Variants in ATAD3A observed in about 807,000 individuals in gnomAD.
ATAD3A encodes ATPase family AAA domain-containing protein 3A.
A neutral mutation model predicts 73.8 loss-of-function variants in ATAD3A; 46 were observed. The ratio of observed to expected loss-of-function variants is 0.62; its 90% CI spans 0.49 to 0.80. The LOEUF (loss-of-function observed/expected upper bound fraction) is 0.80, where lower values mean the gene tolerates loss of function less well. ATAD3A is among the 30% of genes least tolerant of loss of function. The pLI, the probability that ATAD3A is intolerant of heterozygous loss-of-function variation, is 0.00. For synonymous variants in ATAD3A, 319 were observed against 350.0 expected (o/e 0.91, Z 0.99); for missense variants, 705 against 838.0 (o/e 0.84, Z 1.96).
intron 13 of ATAD3A, chr1:1,527,369 C>G: frequency 9.3e-7 from 1 of 1,071,508 alleles, no homozygotes; most frequent in Non-Finnish European, 1.2e-6. Context: ...GTGTGGGCGA[C>G]TTCTCGACAT....
rs45518337 is a variant in ATAD3A, at chr1:1,520,123, C to G, written c.515-18C>G. Reference sequence around the variant, plus strand: ...GCTGCACTGCATGGTGCTGAGCTGCCCTGCCTCTCTGGGGCAGCCACCGTG... The same window carrying G: ...GCTGCACTGCATGGTGCTGAGCTGCGCTGCCTCTCTGGGGCAGCCACCGTG... On this transcript the variant is annotated intron_variant, in intron 5 of 15. Coordinates refer to ENST00000378756, the MANE Select transcript of ATAD3A (RefSeq NM_001170535.3). This position sits in a 1 kb window ranked among gnomAD's most constrained non-coding sequence, Gnocchi z 4.0. 1 of 1,605,008 alleles carries G rather than the reference C, an allele frequency of 6.2e-7. No homozygotes were observed. Among genetic ancestry groups the G allele is most frequent in the South Asian group, 1.1e-5 (1 of 89,998 alleles).
Position 1,527,930 on chromosome 1 carries a change from C to T in ATAD3A, c.1505+68C>T. The T allele has an allele frequency of 2.0e-6, 3 of 1,478,598 alleles. No homozygotes were observed. The Admixed American group carries it at 6.5e-5, about 32-fold the overall frequency. 91.6% of individuals were successfully genotyped at this position (1,478,598 alleles called of 1,614,324 possible). A position where few individuals can be genotyped will look rare whatever the true frequency, so the allele number is the denominator to read the frequency against. ...TCAGGGTCCACCCCGACCCACAGTC[C>T]ACCATCACTTACAAACCTTTAACAT... On this transcript the variant is annotated intron_variant, in intron 14 of 15. Coordinates refer to ENST00000378756, the MANE Select transcript of ATAD3A (RefSeq NM_001170535.3).
chr1:1,524,406 T>C lies in ATAD3A; in HGVS notation c.1214+9T>C. ...AATACCAGCCGGCGCGGGTGAGACG[T>C]CCCCACAGCATGCACCAGGCCCTTG... On this transcript the variant is annotated intron_variant, in intron 11 of 15. Coordinates refer to ENST00000378756, the MANE Select transcript of ATAD3A (RefSeq NM_001170535.3). 3.8e-6 allele frequency: 6 copies of C among 1,595,028 alleles called. No homozygotes were observed. The South Asian group carries it at 6.6e-5, about 18-fold the overall frequency.
intron 7 of ATAD3A, among the ~76,000 whole-genome samples, chr1:1,522,453 T>C (rs1403367145): frequency 2.0e-5 from 3 of 152,254 alleles, no homozygotes; most frequent in Non-Finnish European, 2.9e-5. Context: ...CCCTGTGACA[T>C]CCGGCTGGGT....
Position 1,529,364 on chromosome 1 carries a change from G to C in ATAD3A, c.1614+33G>C, listed in dbSNP as rs760990454. 2.4e-5 allele frequency: 36 copies of C among 1,530,472 alleles called. No individual in the cohort carries two copies. The South Asian group carries it at 4.0e-4, about 17-fold the overall frequency. 94.8% of individuals were successfully genotyped at this position (1,530,472 alleles called of 1,614,324 possible). A position where few individuals can be genotyped will look rare whatever the true frequency, so the allele number is the denominator to read the frequency against. On this transcript the variant is annotated intron_variant, in intron 15 of 15. Coordinates refer to ENST00000378756, the MANE Select transcript of ATAD3A (RefSeq NM_001170535.3). ...AGGCTCCGGCACGTCCACCCAGACG[G>C]GACCCCAGCTGCTGTGGAGATGCTC...
chr1:1,520,433 C>A lies in ATAD3A; in HGVS notation c.681-115C>A. The A allele has an allele frequency of 6.3e-7, 1 of 1,597,496 alleles. No individual in the cohort carries two copies. Reference sequence around the variant, plus strand: ...GGCTGACTCCTTGGTGGGGGCACTGCCCCTCTGTCCTGGCAAGGCCGTGCC... The same window carrying A: ...GGCTGACTCCTTGGTGGGGGCACTGACCCTCTGTCCTGGCAAGGCCGTGCC... On this transcript the variant is annotated intron_variant, in intron 6 of 15. Transcript: ENST00000378756. This position sits in a 1 kb window ranked among gnomAD's most constrained non-coding sequence, Gnocchi z 4.0.
intron 2 of ATAD3A, 54 bp downstream of exon 2, chr1:1,516,142 T>C: frequency 6.2e-7 from 1 of 1,609,274 alleles, no homozygotes; most frequent in Non-Finnish European, 8.5e-7. Context: ...GGTTCGGGCA[T>C]GGAGATTGGT....
chr1:1,520,053 G>A lies in ATAD3A; in HGVS notation c.515-88G>A, dbSNP rs929316543. On this transcript the variant is annotated intron_variant, in intron 5 of 15. Coordinates refer to ENST00000378756, the MANE Select transcript of ATAD3A (RefSeq NM_001170535.3). This position sits in a 1 kb window ranked among gnomAD's most constrained non-coding sequence, Gnocchi z 4.0. ...CGTTGGTCTGTCCGTGGCGTGGGCC[G>A]GTCCGTGGCGTGGGCCGGTCCACAG... The A allele has an allele frequency of 5.1e-4, 784 of 1,522,618 alleles. 15 individuals carry two copies. In the Admixed American group the frequency reaches 0.014, roughly 28 times the overall value. The allele number at this position is 1,522,618 out of a possible 1,614,324, so 94.3% of individuals were successfully genotyped here.
Position 1,534,625 on chromosome 1 carries a change from G to A in ATAD3A, c.*553G>A, listed in dbSNP as rs961482352. 23 of 177,472 alleles carry A rather than the reference G, an allele frequency of 1.3e-4. 1 individual carries two copies. Among genetic ancestry groups the A allele is most frequent in the Middle Eastern group, 5.2e-3 (2 of 382 alleles). 11.0% of individuals were successfully genotyped at this position (177,472 alleles called of 1,614,324 possible). A position where few individuals can be genotyped will look rare whatever the true frequency, so the allele number is the denominator to read the frequency against. Reference sequence around the variant, plus strand: ...TCTGAGGCCGCACTGTCAGCTGGCCGGTCCAAGCCTGTGGCTGGAGCTGGG... The same window carrying A: ...TCTGAGGCCGCACTGTCAGCTGGCCAGTCCAAGCCTGTGGCTGGAGCTGGG... On this transcript the variant is annotated 3_prime_UTR_variant, in exon 16 of 16. Transcript: ENST00000378756.
At chr1:1,531,296 C>G (rs1229042921) in intron 15 of ATAD3A, among the ~76,000 whole-genome samples, 1 of 151,504 alleles carries the variant, frequency 6.6e-6, no homozygotes, top group East Asian at 1.9e-4. Context: ...ACTAAAAATA[C>G]AAAAATTAGC....
chr1:1,516,070 G>A lies in ATAD3A; in HGVS notation c.264G>A (p.Glu88=). The A allele has an allele frequency of 6.2e-7, 1 of 1,613,766 alleles. No homozygotes were observed. Among genetic ancestry groups the A allele is most frequent in the Non-Finnish European group, 8.5e-7 (1 of 1,179,928 alleles). Residue 88 remains glutamate, a synonymous_variant, in exon 2 of 16, where the codon GAG becomes GAA. Transcript: ENST00000378756. ...AQMQEQTLQL[E]QQSKLKEYEA... ...TGCAGGAGCAGACGCTGCAGTTGGA[G>A]CAACAGTCCAAGCTCAAAGTGAGTG...
At chr1:1,524,871 C>T (rs1347194515) in intron 11 of ATAD3A, among the ~76,000 whole-genome samples, 11 of 151,482 alleles carry the variant, frequency 7.3e-5, no homozygotes, top group Non-Finnish European at 1.2e-4. Context: ...TCGTTGGAAC[C>T]ACGATGCTCA....
In ATAD3A at chr1:1,515,937, C is replaced by G. The variant is rs553796048; in HGVS notation, c.206-75C>G. ...CGTGGCCGTGGATTCCAGAAAGCCC[C>G]TTGGCTGGTGTGCGTGCCTGCCCAG... is the stretch of plus-strand genomic sequence containing the variant. On this transcript the variant is annotated intron_variant, in intron 1 of 15. Transcript: ENST00000378756. 1,504 of 1,569,138 alleles carry G rather than the reference C, an allele frequency of 9.6e-4. 1 individual carries two copies. Among genetic ancestry groups the G allele is most frequent in the Middle Eastern group, 5.4e-3 (32 of 5,970 alleles).
intron 13 of ATAD3A, chr1:1,527,362 T>C: frequency 1.3e-5 from 14 of 1,065,398 alleles, no homozygotes; most frequent in Non-Finnish European, 1.7e-5. Flanking sequence ...CTGGCACGTG[T>C]GGGCGACTTC....
intron 15 of ATAD3A, 147 bp from the exon 16 acceptor site, chr1:1,533,779 C>T: frequency 5.0e-6 from 6 of 1,200,660 alleles, no homozygotes; most frequent in East Asian, 2.6e-5. Flanking sequence ...ACGTGCTGGG[C>T]TCTGCCGAGG....
At position 1,516,075 on chromosome 1, in the gene ATAD3A, A is replaced by G. The variant is rs147308420; in HGVS notation, c.269A>G (p.Gln90Arg). 52 of 1,613,514 alleles carry G rather than the reference A, an allele frequency of 3.2e-5. No homozygotes were observed. The highest frequency in any genetic ancestry group is 1.7e-4 in the Middle Eastern group (1 of 5,762). ...MQEQTLQLEQ[Q>R]SKLKEYEAAV... is the part of the protein sequence containing the mutation. Reference sequence around the variant, plus strand: ...GAGCAGACGCTGCAGTTGGAGCAACAGTCCAAGCTCAAAGTGAGTGGGGCC... The same window carrying G: ...GAGCAGACGCTGCAGTTGGAGCAACGGTCCAAGCTCAAAGTGAGTGGGGCC... The change falls in exon 2 of 16, where the codon CAG becomes CGG. Residue 90 changes from glutamine (Q) to arginine (R), a missense_variant. By Grantham distance (43) the Gln-to-Arg change is conservative. Around this residue, in one of 5 missense-constraint regions of ATAD3A, gnomAD observed 125 missense variants for 170.6 expected, o/e 0.73. Transcript: ENST00000378756.
At chr1:1,517,032 A>G (rs1160032527) in intron 2 of ATAD3A, 34 of 1,438,328 alleles carry the variant, frequency 2.4e-5, no homozygotes, top group Non-Finnish European at 3.0e-5. Flanking sequence ...GATTCCTAAA[A>G]TAAGCATGAG....
In ATAD3A at chr1:1,534,443, C is replaced by A; in HGVS notation, c.*371C>A. On this transcript the variant is annotated 3_prime_UTR_variant, in exon 16 of 16. Coordinates refer to ENST00000378756, the MANE Select transcript of ATAD3A (RefSeq NM_001170535.3). ...GAGCCAGGCAGGTGATGTCTTTGTT[C>A]TCGGCTCCCACAGCAGAGCCAGGTG... The A allele has an allele frequency of 8.1e-7, 1 of 1,236,122 alleles. No individual in the cohort carries two copies. The highest frequency in any genetic ancestry group is 1.0e-6 in the Non-Finnish European group (1 of 967,014). 76.6% of individuals were successfully genotyped at this position (1,236,122 alleles called of 1,614,324 possible). A position where few individuals can be genotyped will look rare whatever the true frequency, so the allele number is the denominator to read the frequency against.
intron 4 of ATAD3A, among the ~76,000 whole-genome samples, chr1:1,518,245 A>ACACACACAGATACGCACACACACAC (rs1557459913): frequency 2.7e-5 from 4 of 149,540 alleles, no homozygotes; most frequent in Non-Finnish European, 4.5e-5. Flanking sequence ...CCCCGCACAC[A>ACACACACAGATACGCACACACACAC]CACACACAGA....
Sources: allele counts gnomAD v4.1 joint callset (sites outside exome capture counted in the v4.1 genomes callset), GRCh38; gene constraint gnomAD v4.1.1; regional missense constraint gnomAD v4.1.1; non-coding constraint Gnocchi (gnomAD v3.1); transcripts MANE v1.5; gene names NCBI Gene and HGNC (gene_info 2026-07-23, HGNC 2026-07-21).